Variants in DCAF12 observed in about 807,000 individuals in gnomAD.
DCAF12 encodes the protein DDB1 and CUL4 associated factor 12.
DCAF12 carries 28 observed loss-of-function variants against 52.8 expected under a neutral mutation model. The ratio of observed to expected loss-of-function variants is 0.53; its 90% CI spans 0.39 to 0.73. The LOEUF (loss-of-function observed/expected upper bound fraction) is 0.73, where lower values mean the gene tolerates loss of function less well. Among genes scored for constraint, DCAF12 ranks in the 30% least tolerant of loss-of-function variants. The pLI is 0.00. For missense variants in DCAF12, 425 were observed against 552.2 expected (o/e 0.77, Z 2.31); for synonymous variants, 196 against 215.5 (o/e 0.91, Z 0.79).
At chr9:34,126,097 T>G (rs1829245593) in intron 1 of DCAF12, among the ~76,000 whole-genome samples, 1 of 152,200 alleles carries the variant, frequency 6.6e-6, no homozygotes, top group African/African-American at 2.4e-5. Context: ...TGGTTTCTTT[T>G]CAAGCCCTAT....
chr9:34,120,896 G>A (rs1829163631), intron 2 of DCAF12, among the ~76,000 whole-genome samples: 1 of 152,020 alleles, frequency 6.6e-6, no homozygotes, highest in South Asian at 2.1e-4. Flanking sequence ...GCTCACACCT[G>A]TAATCTCAGC....
chr9:34,088,676 T>C (rs1024149473), intron 8 of DCAF12, among the ~76,000 whole-genome samples, 168 bp from the exon 9 acceptor site: 1 of 152,170 alleles, frequency 6.6e-6, no homozygotes, highest in African/African-American at 2.4e-5. Context: ...CAGGGCCTCA[T>C]TTTTCCAACT....
Position 34,089,559 on chromosome 9 carries a change from G to A in DCAF12, c.1056C>T (p.Ile352=). Residue 352 remains isoleucine, a synonymous_variant, in exon 8 of 9, where the codon ATC becomes ATT. Coordinates refer to ENST00000361264, the MANE Select transcript of DCAF12 (RefSeq NM_015397.4). The part of the protein sequence containing the change: ...GIRSVSFYEH[I]ITVGTGQGSL... ...AGCCCTGCCCTGTTCCCACAGTGATGATGTGCTCGTAGAAACTCACTGACC... is the reference window on the plus strand; with the variant it reads ...AGCCCTGCCCTGTTCCCACAGTGATAATGTGCTCGTAGAAACTCACTGACC... The A allele has an allele frequency of 6.2e-7, 1 of 1,611,214 alleles. No individual in the cohort carries two copies.
At chr9:34,106,128 T>A (rs1406982855) in intron 4 of DCAF12, among the ~76,000 whole-genome samples, 4 of 149,666 alleles carry the variant, frequency 2.7e-5, no homozygotes, top group Non-Finnish European at 5.9e-5. Flanking sequence ...GGTCACCCTC[T>A]GTCATGTAGG....
chr9:34,090,955 G>A (rs1828633608), intron 7 of DCAF12, among the ~76,000 whole-genome samples: 4 of 151,974 alleles, frequency 2.6e-5, no homozygotes, highest in African/African-American at 7.2e-5. Context: ...ACCGTGCCCG[G>A]CCCTATTTAT....
intron 7 of DCAF12, among the ~76,000 whole-genome samples, chr9:34,092,970 T>A (rs10971907): frequency 6.6e-6 from 1 of 151,946 alleles, no homozygotes; most frequent in African/African-American, 2.4e-5. Context: ...CTCAGCCTCC[T>A]GAGCAGCTGG....
chr9:34,099,260 G>A (rs1349684592), intron 4 of DCAF12, among the ~76,000 whole-genome samples: 1 of 151,608 alleles, frequency 6.6e-6, no homozygotes, highest in Admixed American at 6.6e-5. Flanking sequence ...TTTTTGAGAT[G>A]GAGTCTTGCT....
chr9:34,121,377 C>T (rs912455520), intron 2 of DCAF12, among the ~76,000 whole-genome samples: 1 of 152,264 alleles, frequency 6.6e-6, no homozygotes, highest in East Asian at 1.9e-4. Context: ...CCCCAAATCA[C>T]GTGCAACAAG....
At chr9:34,099,131 G>T (rs982946999) in intron 4 of DCAF12, among the ~76,000 whole-genome samples, 2 of 151,268 alleles carry the variant, frequency 1.3e-5, no homozygotes, top group African/African-American at 4.9e-5. Context: ...GCAGTGGCAC[G>T]ATCTTGGCTC....
At chr9:34,108,529 C>T (rs1224496586) in intron 2 of DCAF12, among the ~76,000 whole-genome samples, 6 of 152,140 alleles carry the variant, frequency 3.9e-5, no homozygotes, top group Admixed American at 6.6e-5. Context: ...CAGTGGCTCA[C>T]GCCTGTAATG....
At chr9:34,108,992 A>G (rs1828953434) in intron 2 of DCAF12, among the ~76,000 whole-genome samples, 1 of 96,400 alleles carries the variant, frequency 1.0e-5, no homozygotes, top group African/African-American at 3.4e-5. Context: ...TTTTATATAT[A>G]TATATATATA....
At chr9:34,101,384 A>ATTATTTAT (rs370031210) in intron 4 of DCAF12, among the ~76,000 whole-genome samples, 1 of 136,462 alleles carries the variant, frequency 7.3e-6, no homozygotes, top group African/African-American at 2.8e-5. Flanking sequence ...TAATTCCTTT[A>ATTATTTAT]TTATTTATTT....
At chr9:34,125,688 GC>G in intron 1 of DCAF12, 1 of 411,086 alleles carries the variant, frequency 2.4e-6, no homozygotes, top group Non-Finnish European at 5.2e-6. Context: ...AGTCCAAGGA[GC>G]CAGACCTGGC....
intron 7 of DCAF12, among the ~76,000 whole-genome samples, chr9:34,092,405 C>T (rs891728421): frequency 1.4e-4 from 21 of 152,204 alleles, no homozygotes; most frequent in African/African-American, 5.1e-4. Flanking sequence ...GTAGGGCTCT[C>T]GGCCAGGTGC....
chr9:34,114,690 T>C lies in DCAF12; in HGVS notation c.334-7125A>G, dbSNP rs148365845. 1.4e-3 allele frequency among the ~76,000 whole-genome samples: 219 copies of C among 152,250 alleles called. 2 individuals carry two copies. In the East Asian group the frequency reaches 0.019, roughly 13 times the overall value. On this transcript the variant is annotated intron_variant, in intron 2 of 8. Coordinates refer to ENST00000361264, the MANE Select transcript of DCAF12 (RefSeq NM_015397.4). ...AGGTAAGCTCGAGGCTCGGGCTCCC[T>C]GCAGTTTACATTCTAGGATGGGGGG... is the stretch of plus-strand genomic sequence containing the variant.
intron 4 of DCAF12, among the ~76,000 whole-genome samples, chr9:34,105,147 G>A (rs959497088): frequency 6.6e-6 from 1 of 152,118 alleles, no homozygotes; most frequent in Non-Finnish European, 1.5e-5. Flanking sequence ...CAGCTACTCA[G>A]GAGGCTGAAG....
At chr9:34,113,101 A>C (rs1829030538) in intron 2 of DCAF12, among the ~76,000 whole-genome samples, 1 of 151,882 alleles carries the variant, frequency 6.6e-6, no homozygotes, top group African/African-American at 2.4e-5. Context: ...CCCAGGCTGG[A>C]GTGCAATGGC....
intron 2 of DCAF12, among the ~76,000 whole-genome samples, chr9:34,117,156 C>G (rs74731669): frequency 1.3e-5 from 2 of 151,998 alleles, no homozygotes; most frequent in Admixed American, 1.3e-4. Flanking sequence ...ATCATGACTT[C>G]GTGGAAGGAG....
At chr9:34,094,848 C>T (rs1241402344) in intron 6 of DCAF12, among the ~76,000 whole-genome samples, 2 of 151,840 alleles carry the variant, frequency 1.3e-5, no homozygotes, top group East Asian at 3.9e-4. Flanking sequence ...TAAATATCTA[C>T]ATATATGTAA....
Sources: gnomAD v4.1 joint callset for allele counts (sites outside exome capture counted in the v4.1 genomes callset) on GRCh38, gnomAD v4.1.1 for gene constraint, MANE v1.5 for transcripts, NCBI Gene and HGNC (gene_info 2026-07-23, HGNC 2026-07-21) for gene names.